LAMA2: variants seen among roughly 807,000 people sequenced by gnomAD.
LAMA2 encodes laminin subunit alpha-2.
Under a neutral mutation model 364.8 loss-of-function variants are expected in LAMA2, and 269 were observed. That is an observed-to-expected ratio of 0.74 (90% CI 0.67 to 0.82). The LOEUF (loss-of-function observed/expected upper bound fraction) is 0.82, where lower values mean the gene tolerates loss of function less well. Among genes scored for constraint, LAMA2 ranks in the 40% least tolerant of loss-of-function variants. LAMA2 has a pLI of 0.00. For synonymous variants in LAMA2, 1,379 were observed against 1,370.6 expected (o/e 1.01, Z -0.14); for missense variants, 3,807 against 3,873.2 (o/e 0.98, Z 0.45).
chr6:129,508,689 A>T (rs912490019), intron 62 of LAMA2, among the ~76,000 whole-genome samples: 1 of 152,184 alleles, frequency 6.6e-6, no homozygotes, highest in Non-Finnish European at 1.5e-5. Context: ...GTTGTTGCAG[A>T]TGATAGGATC....
chr6:129,420,799 T>C (rs1429182569), intron 40 of LAMA2, among the ~76,000 whole-genome samples: 4 of 152,144 alleles, frequency 2.6e-5, no homozygotes, highest in African/African-American at 9.7e-5. Context: ...TTAGTCAGCC[T>C]GATAAACTCT....
intron 1 of LAMA2, among the ~76,000 whole-genome samples, chr6:128,906,117 C>T (rs1459463280): frequency 3.4e-5 from 5 of 147,258 alleles, no homozygotes; most frequent in South Asian, 2.2e-4. Context: ...GTCTTTATAG[C>T]AGCATGATTT....
intron 4 of LAMA2, among the ~76,000 whole-genome samples, chr6:129,141,441 A>G (rs1778120574): frequency 6.6e-6 from 1 of 152,060 alleles, no homozygotes; most frequent in Non-Finnish European, 1.5e-5. Flanking sequence ...TTTAGAAGAC[A>G]TTGCATTCTA....
intron 15 of LAMA2, 37 bp from the exon 16 acceptor site, chr6:129,267,069 A>C: frequency 3.8e-6 from 5 of 1,311,006 alleles, no homozygotes; most frequent in Non-Finnish European, 5.5e-6. Flanking sequence ...TTTTGTTTTA[A>C]TCTCCAAGAC....
intron 33 of LAMA2, 27 bp from the exon 34 acceptor site, chr6:129,369,865 A>G (rs374354497): frequency 8.8e-6 from 14 of 1,597,424 alleles, no homozygotes; most frequent in Admixed American, 1.7e-5. Flanking sequence ...TTTACTAAAA[A>G]TGTTTATGGG....
chr6:128,997,700 T>G (rs1340464422), intron 1 of LAMA2, among the ~76,000 whole-genome samples: 1 of 151,780 alleles, frequency 6.6e-6, no homozygotes, highest in Non-Finnish European at 1.5e-5. Context: ...GAGGCTGAGG[T>G]AGGAGAATCA....
intron 42 of LAMA2, 55 bp from the exon 43 acceptor site, chr6:129,440,761 A>T: frequency 6.8e-7 from 1 of 1,463,436 alleles, no homozygotes; most frequent in Non-Finnish European, 9.6e-7. Flanking sequence ...AGCATGGATT[A>T]AGCCACTAAC....
intron 45 of LAMA2, among the ~76,000 whole-genome samples, chr6:129,448,505 G>C (rs979337218): frequency 6.6e-6 from 1 of 152,034 alleles, no homozygotes; most frequent in Non-Finnish European, 1.5e-5. Context: ...TTGTAAATAT[G>C]GATATCTGGA....
chr6:128,915,357 A>G (rs1662105415), intron 1 of LAMA2, among the ~76,000 whole-genome samples: 1 of 152,164 alleles, frequency 6.6e-6, no homozygotes, highest in African/African-American at 2.4e-5. Context: ...AGATTAGTCC[A>G]TGGTTATCTT....
At chr6:129,082,329 A>G (rs921186814) in intron 3 of LAMA2, among the ~76,000 whole-genome samples, 3 of 152,006 alleles carry the variant, frequency 2.0e-5, no homozygotes, top group Non-Finnish European at 4.4e-5. Flanking sequence ...CTCTCACTCC[A>G]CTGCAATAAT....
chr6:129,410,632 CATTG>C (rs1780485952), intron 40 of LAMA2, among the ~76,000 whole-genome samples: 1 of 151,978 alleles, frequency 6.6e-6, no homozygotes, highest in Non-Finnish European at 1.5e-5. Context: ...TAGATAGATA[CATTG>C]ATTGATAGAT....
At chr6:129,064,531 T>G (rs1789164001) in intron 3 of LAMA2, among the ~76,000 whole-genome samples, 1 of 151,886 alleles carries the variant, frequency 6.6e-6, no homozygotes, top group African/African-American at 2.4e-5. Flanking sequence ...AAATATAAGC[T>G]AAATTGACAA....
At chr6:129,461,071 T>C (rs1292262555) in intron 49 of LAMA2, among the ~76,000 whole-genome samples, 4 of 152,126 alleles carry the variant, frequency 2.6e-5, no homozygotes, top group Admixed American at 2.6e-4. Context: ...GTAGAGGATT[T>C]CTCAGCATAA....
intron 1 of LAMA2, among the ~76,000 whole-genome samples, chr6:128,889,152 T>C (rs527773121): frequency 5.9e-5 from 9 of 152,240 alleles, no homozygotes; most frequent in Non-Finnish European, 1.2e-4. Flanking sequence ...GTTAGAAATA[T>C]GACAGATTTT....
In LAMA2 at chr6:129,105,433, G is replaced by A. The variant is rs115222532; in HGVS notation, c.639+7018G>A. Among the ~76,000 whole-genome samples the A allele has an allele frequency of 6.1e-3, 926 of 152,286 alleles. 8 individuals carry two copies. The highest frequency in any genetic ancestry group is 0.021 in the African/African-American group (887 of 41,550). On this transcript the variant is annotated intron_variant, in intron 4 of 64. Transcript: ENST00000421865. ...ATCACCTAGGAGCATTTGAAAAATAGCTACTCCTGAGACCAGAACTTTTAA... is the reference window on the plus strand; with the variant it reads ...ATCACCTAGGAGCATTTGAAAAATAACTACTCCTGAGACCAGAACTTTTAA...
chr6:129,428,471 C>CTGAGA, intron 41 of LAMA2, among the ~76,000 whole-genome samples: 2 of 152,210 alleles, frequency 1.3e-5, no homozygotes, highest in South Asian at 4.1e-4. Flanking sequence ...TTTTCTTTTT[C>CTGAGA]TGAGATGAAG....
At chr6:129,275,212 T>C (rs1788219634) in intron 17 of LAMA2, among the ~76,000 whole-genome samples, 1 of 152,014 alleles carries the variant, frequency 6.6e-6, no homozygotes, top group African/African-American at 2.4e-5. Flanking sequence ...AATTCAGCCA[T>C]ATTCTCTAGA....
chr6:129,487,424 G>A (rs1050913458), intron 56 of LAMA2, among the ~76,000 whole-genome samples: 13 of 152,096 alleles, frequency 8.5e-5, no homozygotes, highest in African/African-American at 3.1e-4. Context: ...AGAAACAGAA[G>A]CCCAGAGACT....
At chr6:129,182,292 G>T (rs372041953) in intron 10 of LAMA2, among the ~76,000 whole-genome samples, 1 of 151,372 alleles carries the variant, frequency 6.6e-6, no homozygotes, top group Admixed American at 6.6e-5. Context: ...TCTATTAATA[G>T]AGTTAATTAG....
Sources: gnomAD v4.1 joint callset for allele counts (sites outside exome capture counted in the v4.1 genomes callset) on GRCh38, gnomAD v4.1.1 for gene constraint, MANE v1.5 for transcripts, NCBI Gene and HGNC (gene_info 2026-07-23, HGNC 2026-07-21) for gene names.